The following TBXAS1 variants were observed in gnomAD, a reference collection of about 807,000 sequenced individuals.
TBXAS1 encodes thromboxane-A synthase.
Under a neutral mutation model 60.7 loss-of-function variants are expected in TBXAS1, and 48 were observed. That is an observed-to-expected ratio of 0.79 (90% CI 0.63 to 1.01). TBXAS1 has a LOEUF of 1.01. Among genes scored for constraint, TBXAS1 ranks in the 50% least tolerant of loss-of-function variants. The pLI, the probability that TBXAS1 is intolerant of heterozygous loss-of-function variation, is 0.00. For missense variants in TBXAS1, 685 were observed against 686.3 expected (o/e 1.00, Z 0.02); for synonymous variants, 287 against 269.7 (o/e 1.06, Z -0.63).
chr7:139,858,586 G>A (rs1375657423), intron 1 of TBXAS1, among the ~76,000 whole-genome samples: 1 of 152,140 alleles, frequency 6.6e-6, no homozygotes, highest in African/African-American at 2.4e-5. Context: ...ACAGAGCAAG[G>A]GCATGTAGGC....
At chr7:140,003,049 A>C (rs919070749) in intron 9 of TBXAS1, among the ~76,000 whole-genome samples, 1 of 147,552 alleles carries the variant, frequency 6.8e-6, no homozygotes, top group Non-Finnish European at 1.5e-5. Context: ...GCTTGAACCC[A>C]GGAGGCAGAG....
intron 4 of TBXAS1, among the ~76,000 whole-genome samples, chr7:139,805,728 CTCTT>C (rs796223409): frequency 0.01 from 1,115 of 110,828 alleles, 6 homozygotes; most frequent in East Asian, 0.023. Flanking sequence ...CTCTCTCTCT[CTCTT>C]TCTTTCTTTC....
At chr7:140,012,225 T>C (rs1379081305) in intron 10 of TBXAS1, among the ~76,000 whole-genome samples, 8 of 152,068 alleles carry the variant, frequency 5.3e-5, no homozygotes, top group African/African-American at 1.9e-4. Flanking sequence ...GTCTGGAAGG[T>C]AGGAGGCAGG....
intron 3 of TBXAS1, chr7:139,787,228 A>G (rs1797228588): frequency 6.6e-6 from 1 of 152,210 alleles, no homozygotes. Flanking sequence ...TTTTTAAAGA[A>G]TTTCTTTTGG....
intron 8 of TBXAS1, among the ~76,000 whole-genome samples, chr7:139,958,854 C>G (rs1021463312): frequency 2.0e-5 from 3 of 152,236 alleles, no homozygotes; most frequent in Admixed American, 1.3e-4. Context: ...AACTGGCATC[C>G]CTGCCCCAGC....
chr7:140,015,733 G>C lies in TBXAS1; in HGVS notation c.1237G>C (p.Glu413Gln). ...MYPPAFRFTR[E>Q]AAQDCEVLGQ... Reference sequence around the variant, plus strand: ...TGGTGTTTCCCTCAGATTCACACGGGAGGCAGCTCAGGACTGCGAGGTGCT... The same window carrying C: ...TGGTGTTTCCCTCAGATTCACACGGCAGGCAGCTCAGGACTGCGAGGTGCT... Residue 413 changes from glutamate (E) to glutamine (Q), a missense_variant, in exon 11 of 13, where the codon GAG becomes CAG. Coordinates refer to ENST00000448866, the MANE Select transcript of TBXAS1 (RefSeq NM_001061.7). The C allele has an allele frequency of 1.2e-6, 2 of 1,613,322 alleles. No individual in the cohort carries two copies. The highest frequency in any genetic ancestry group is 1.7e-6 in the Non-Finnish European group (2 of 1,180,024).
chr7:139,979,923 G>GAA (rs1341737631), intron 9 of TBXAS1, among the ~76,000 whole-genome samples: 14 of 151,594 alleles, frequency 9.2e-5, no homozygotes, highest in Admixed American at 2.6e-4. Context: ...TGTAACATTG[G>GAA]GTTTTGCTTT....
intron 9 of TBXAS1, among the ~76,000 whole-genome samples, chr7:140,003,690 T>C (rs1813859898): frequency 6.6e-6 from 1 of 152,230 alleles, no homozygotes; most frequent in Admixed American, 6.5e-5. Flanking sequence ...ACCAACACCA[T>C]TTACCCATTA....
At chr7:139,861,117 T>G (rs1800930811) in intron 1 of TBXAS1, among the ~76,000 whole-genome samples, 1 of 150,236 alleles carries the variant, frequency 6.7e-6, no homozygotes, top group South Asian at 2.1e-4. Context: ...AAGGTTGCAG[T>G]GAGCTGAGAT....
At chr7:139,958,786 G>A (rs778455213) in intron 8 of TBXAS1, among the ~76,000 whole-genome samples, 6 of 152,186 alleles carry the variant, frequency 3.9e-5, no homozygotes, top group Non-Finnish European at 7.3e-5. Flanking sequence ...CAGCCCCCTC[G>A]GCCCACACCA....
chr7:139,808,448 GTA>G (rs1797932634), intron 4 of TBXAS1, among the ~76,000 whole-genome samples: 1 of 152,110 alleles, frequency 6.6e-6, no homozygotes, highest in South Asian at 2.1e-4. Flanking sequence ...TTGTATTTTA[GTA>G]TTTATAACCT....
At chr7:139,909,584 G>T (rs1260899923) in intron 3 of TBXAS1, among the ~76,000 whole-genome samples, 1 of 152,184 alleles carries the variant, frequency 6.6e-6, no homozygotes, top group Non-Finnish European at 1.5e-5. Context: ...AAAATACGAT[G>T]ACTCAGGTAA....
chr7:139,958,113 A>G (rs1810024152), intron 8 of TBXAS1, among the ~76,000 whole-genome samples: 1 of 152,200 alleles, frequency 6.6e-6, no homozygotes, highest in Non-Finnish European at 1.5e-5. Flanking sequence ...GTGTGCCCAC[A>G]TGCAATTTTC....
At chr7:139,790,875 T>C (rs1226673024) in intron 4 of TBXAS1, among the ~76,000 whole-genome samples, 1 of 152,196 alleles carries the variant, frequency 6.6e-6, no homozygotes, top group Non-Finnish European at 1.5e-5. Flanking sequence ...CAATCTTGGT[T>C]CACTGCAACC....
At chr7:139,967,514 A>G (rs1220140687) in intron 9 of TBXAS1, among the ~76,000 whole-genome samples, 1 of 152,218 alleles carries the variant, frequency 6.6e-6, no homozygotes, top group Non-Finnish European at 1.5e-5. Context: ...GGAAGAAGCA[A>G]GAGTCTCTTT....
chr7:139,915,516 C>T (rs1016020350), intron 4 of TBXAS1, among the ~76,000 whole-genome samples: 1 of 152,204 alleles, frequency 6.6e-6, no homozygotes, highest in African/African-American at 2.4e-5. Flanking sequence ...ATAATGCATG[C>T]TCTCATTCTC....
chr7:139,890,137 A>G (rs1803446819), intron 3 of TBXAS1, among the ~76,000 whole-genome samples: 1 of 151,398 alleles, frequency 6.6e-6, no homozygotes, highest in South Asian at 2.1e-4. Context: ...TCTTCAGTGT[A>G]GAAAGACTCC....
chr7:139,907,787 A>T (rs1156573858), intron 3 of TBXAS1, among the ~76,000 whole-genome samples: 1 of 152,096 alleles, frequency 6.6e-6, no homozygotes, highest in Non-Finnish European at 1.5e-5. Context: ...TTCAAATAAA[A>T]AATATGAATA....
chr7:139,787,540 G>A (rs1477452070), intron 4 of TBXAS1: 1 of 152,240 alleles, frequency 6.6e-6, no homozygotes, highest in South Asian at 2.1e-4. Context: ...GGGGAAGGTG[G>A]TGGGCAGCTG....
Sources: allele counts gnomAD v4.1 joint callset (sites outside exome capture counted in the v4.1 genomes callset), GRCh38; gene constraint gnomAD v4.1.1; transcripts MANE v1.5; gene names NCBI Gene and HGNC (gene_info 2026-07-23, HGNC 2026-07-21).